Variants in SRSF1 observed in about 807,000 individuals in gnomAD.
SRSF1 encodes serine and arginine rich splicing factor 1, also known as serine/arginine-rich splicing factor 1.
In SRSF1, 1 loss-of-function variant was observed where a neutral mutation model predicts 25.9. The ratio of observed to expected loss-of-function variants is 0.04; its 90% confidence interval spans 0.01 to 0.18. SRSF1 has a LOEUF of 0.18. Ranked by LOEUF, SRSF1 falls within the 10% of genes least tolerant of loss-of-function variation. The pLI is 1.00. For synonymous variants in SRSF1, 132 were observed against 126.2 expected, an observed-to-expected ratio of 1.05 and a Z score of -0.31; for missense variants, 65 against 350.5, an observed-to-expected ratio of 0.19 and a Z score of 6.50.
intron 1 of SRSF1, 101 bp from the exon 2 acceptor site, chr17:58,006,628 A>C: frequency 1.5e-6 from 2 of 1,354,216 alleles, no homozygotes; most frequent in South Asian, 1.4e-5. Flanking sequence ...CCCAACGTGG[A>C]AGAGCCCACA....
Position 58,005,286 on chromosome 17 carries a change from G to T in SRSF1, c.*120C>A. On this transcript the variant is annotated 3_prime_UTR_variant, in exon 4 of 4. Transcript: ENST00000258962. This position sits in a 1 kb window ranked among gnomAD's most constrained non-coding sequence, Gnocchi z 5.2. The stretch of plus-strand genomic sequence containing the variant: ...AGGAGCAAGGGGATATTACAAGAAT[G>T]CAATTCAACACTTTAGCCCATTCTG... 1 of 1,025,158 alleles carries T rather than the reference G, an allele frequency of 9.8e-7. No homozygotes were observed. The highest frequency in any genetic ancestry group is 1.4e-6 in the Non-Finnish European group (1 of 694,548). 63.5% of individuals were successfully genotyped at this position (1,025,158 alleles called of 1,614,324 possible).
downstream of SRSF1, among the ~76,000 whole-genome samples, chr17:57,996,715 G>A (rs551063573): frequency 8.5e-5 from 13 of 152,246 alleles, no homozygotes; most frequent in East Asian, 1.9e-3. Flanking sequence ...CAAAAGGAAT[G>A]GGGCTGCTTA....
chr17:58,006,752 G>C, intron 1 of SRSF1, 192 bp downstream of exon 1: 1 of 884,276 alleles, frequency 1.1e-6, no homozygotes, highest in Non-Finnish European at 1.7e-6. Context: ...ATGGGCTCCG[G>C]GGACGTCCAA....
rs1885206008 is a variant in SRSF1, at chr17:58,003,822, T to TA, written c.*1583dup. Reference sequence around the variant, plus strand: ...CTTTGGAATAGCCAATTAAGTTGAATAAAAAAATCCACACGAATGCGGTTT... The same window carrying TA: ...CTTTGGAATAGCCAATTAAGTTGAATAAAAAAAATCCACACGAATGCGGTTT... On this transcript the variant is annotated 3_prime_UTR_variant, in exon 4 of 4. Transcript: ENST00000258962. 1 of 152,520 alleles carries TA rather than the reference T, an allele frequency of 6.6e-6. No homozygotes were observed. Among genetic ancestry groups the TA allele is most frequent in the Non-Finnish European group, 1.5e-5 (1 of 68,000 alleles). The allele number at this position is 152,520 out of a possible 1,614,324, so 9.4% of individuals were successfully genotyped here. A position where few individuals can be genotyped will look rare whatever the true frequency, so the allele number is the denominator to read the frequency against.
Position 58,000,954 on chromosome 17 carries a change from CAGAAA to C in SRSF1, c.*4447_*4451del, listed in dbSNP as rs1207540736. ...GGTTCACATTTAATTAGCTCAACAA[CAGAAA>C]ATCTTTTGTTTTCGTAGTTTTTGGA... is the stretch of plus-strand genomic sequence containing the variant. On this transcript the variant is annotated 3_prime_UTR_variant, in exon 4 of 4. Transcript: ENST00000258962. Among the ~76,000 whole-genome samples, 1 of 152,118 alleles carries C rather than the reference CAGAAA, an allele frequency of 6.6e-6. No homozygotes were observed. Among genetic ancestry groups the C allele is most frequent in the African/African-American group, 2.4e-5 (1 of 41,434 alleles).
At chr17:58,006,182 A>G (rs2075425859) in intron 2 of SRSF1, 161 bp downstream of exon 2, 1 of 1,051,204 alleles carries the variant, frequency 9.5e-7, no homozygotes, top group Middle Eastern at 2.9e-4. Context: ...TAATTTGGTA[A>G]ATCACCACAG....
chr17:58,007,105 T>G lies in SRSF1; in HGVS notation c.33A>C (p.Ala11=). Residue 11 remains alanine (A), a synonymous_variant, in exon 1 of 4, where the codon GCA becomes GCC. Coordinates refer to ENST00000258962, the MANE Select transcript of SRSF1 (RefSeq NM_006924.5). ...CGTAGATGCGGCAATCGTTGTTCCC[T>G]GCGGGGCCACGAATCACACCACCTC... MSGGGVIRGP[A]GNNDCRIYVG... 1 of 1,614,174 alleles carries G rather than the reference T, an allele frequency of 6.2e-7. No individual in the cohort carries two copies. The highest frequency in any genetic ancestry group is 8.5e-7 in the Non-Finnish European group (1 of 1,180,042).
At chr17:57,989,411 A>G in the SRSF1 span, 9 of 397,790 alleles carry the variant, frequency 2.3e-5, no homozygotes, top group East Asian at 3.2e-4. Context: ...AGATGGACGC[A>G]TTATTTTAAG....
downstream of SRSF1, among the ~76,000 whole-genome samples, chr17:57,996,488 A>T (rs916983426): frequency 4.7e-5 from 7 of 150,462 alleles, no homozygotes; most frequent in African/African-American, 1.2e-4. Context: ...TGTCTTAAAA[A>T]AAAAAAAAAA....
At position 58,005,137 on chromosome 17, in the gene SRSF1, G is replaced by A. The variant is rs561024789; in HGVS notation, c.*269C>T. The stretch of plus-strand genomic sequence containing the variant: ...CAACATCCCAGTTCACACAAACCAG[G>A]GCAGATAGACATTTACACAATATCA... On this transcript the variant is annotated 3_prime_UTR_variant, in exon 4 of 4. Transcript: ENST00000258962. This position sits in a 1 kb window ranked among gnomAD's most constrained non-coding sequence, Gnocchi z 5.2. The A allele has an allele frequency of 1.7e-4, 85 of 514,546 alleles. 1 individual carries two copies. In the South Asian group the frequency reaches 2.8e-3, roughly 17 times the overall value. The allele number at this position is 514,546 out of a possible 1,614,324, so 31.9% of individuals were successfully genotyped here.
intron 1 of SRSF1, 76 bp downstream of exon 1, chr17:58,006,868 C>G (rs2075433490): frequency 6.5e-7 from 1 of 1,533,160 alleles, no homozygotes; most frequent in Non-Finnish European, 8.9e-7. Flanking sequence ...TCCCCGTTCT[C>G]TATGTTAAGG....
chr17:58,001,566 T>TA lies in SRSF1; in HGVS notation c.*3839dup, dbSNP rs1192797838. On this transcript the variant is annotated 3_prime_UTR_variant, in exon 4 of 4. Transcript: ENST00000258962. Reference sequence around the variant, plus strand: ...GATGTTATGAAAAGTAATTGCTTCTTAAAGAGACTTAAGTTTTTCCTTGGT... The same window carrying TA: ...GATGTTATGAAAAGTAATTGCTTCTTAAAAGAGACTTAAGTTTTTCCTTGGT... Among the ~76,000 whole-genome samples, 1 of 152,198 alleles carries TA rather than the reference T, an allele frequency of 6.6e-6. No individual in the cohort carries two copies. Among genetic ancestry groups the TA allele is most frequent in the Non-Finnish European group, 1.5e-5 (1 of 68,008 alleles).
chr17:57,993,600 G>A, the SRSF1 span: 1 of 152,282 alleles, frequency 6.6e-6, no homozygotes, highest in Admixed American at 6.5e-5. Flanking sequence ...TTGGTTGCCT[G>A]AGTAGTGGCA....
chr17:58,002,832 G>A lies in SRSF1; in HGVS notation c.*2574C>T, dbSNP rs1221163873. Among the ~76,000 whole-genome samples the A allele has an allele frequency of 6.6e-6, 1 of 152,094 alleles. No homozygotes were observed. The highest frequency in any genetic ancestry group is 1.5e-5 in the Non-Finnish European group (1 of 68,010). ...TTTTGGGACCAGCCTGGGTAACACA[G>A]AGAAACCACATCTCTACTAAAAATA... is the stretch of plus-strand genomic sequence containing the variant. On this transcript the variant is annotated 3_prime_UTR_variant, in exon 4 of 4. Coordinates refer to ENST00000258962, the MANE Select transcript of SRSF1 (RefSeq NM_006924.5).
At position 58,004,500 on chromosome 17, in the gene SRSF1, TAAAA is replaced by T. The variant is rs1184024725; in HGVS notation, c.*902_*905del. On this transcript the variant is annotated 3_prime_UTR_variant, in exon 4 of 4. Transcript: ENST00000258962. ...TCTATATTTTGCTTTCATTTTGTCTTAAAAAAATGAAATAGCAACGCTCTATCAG... is the reference window on the plus strand; with the variant it reads ...TCTATATTTTGCTTTCATTTTGTCTTAAATGAAATAGCAACGCTCTATCAG... 1 of 153,472 alleles carries T rather than the reference TAAAA, an allele frequency of 6.5e-6. No homozygotes were observed. Among genetic ancestry groups the T allele is most frequent in the Admixed American group, 6.5e-5 (1 of 15,320 alleles). 9.5% of individuals were successfully genotyped at this position (153,472 alleles called of 1,614,324 possible).
downstream of SRSF1, among the ~76,000 whole-genome samples, chr17:57,996,486 A>T (rs1254541508): frequency 6.7e-6 from 1 of 148,796 alleles, no homozygotes; most frequent in Non-Finnish European, 1.5e-5. Context: ...ACTGTCTTAA[A>T]AAAAAAAAAA....
downstream of SRSF1, among the ~76,000 whole-genome samples, chr17:57,996,943 C>T (rs540146748): frequency 2.0e-5 from 3 of 151,994 alleles, no homozygotes; most frequent in East Asian, 5.8e-4. Context: ...TTACCAACAA[C>T]AAAAAAACAA....
rs901423590 is a variant in SRSF1, at chr17:58,001,354, A to T, written c.*4052T>A. Among the ~76,000 whole-genome samples, 4 of 152,206 alleles carry T rather than the reference A, an allele frequency of 2.6e-5. No homozygotes were observed. Among genetic ancestry groups the T allele is most frequent in the African/African-American group, 7.2e-5 (3 of 41,462 alleles). On this transcript the variant is annotated 3_prime_UTR_variant, in exon 4 of 4. Transcript: ENST00000258962. ...GAGCACTGAATATTTACTAAAGCATAAAACTTAGGAAAAATCATTTTACGG... is the reference window on the plus strand; with the variant it reads ...GAGCACTGAATATTTACTAAAGCATTAAACTTAGGAAAAATCATTTTACGG...
downstream of SRSF1, among the ~76,000 whole-genome samples, chr17:57,996,658 T>C (rs1024405239): frequency 1.3e-5 from 2 of 152,130 alleles, no homozygotes; most frequent in Admixed American, 6.5e-5. Flanking sequence ...AGTTCAAGAA[T>C]GCTTCAGTCA....
Sources: gnomAD v4.1 joint callset for allele counts (sites outside exome capture counted in the v4.1 genomes callset) on GRCh38, gnomAD v4.1.1 for gene constraint, Gnocchi (gnomAD v3.1) non-coding constraint, MANE v1.5 for transcripts, NCBI Gene and HGNC (gene_info 2026-07-23, HGNC 2026-07-21) for gene names.